PCGF3: variants seen among roughly 807,000 people sequenced by gnomAD.
PCGF3 encodes polycomb group ring finger 3.
PCGF3 carries 7 observed loss-of-function variants against 33.1 expected under a neutral mutation model. The ratio of observed to expected loss-of-function variants is 0.21; its 90% CI spans 0.12 to 0.40. PCGF3 has a LOEUF of 0.40. PCGF3 is among the 10% of genes least tolerant of loss of function. The pLI is 1.00. For missense variants in PCGF3, 211 were observed against 313.3 expected (o/e 0.67, Z 2.46); for synonymous variants, 153 against 121.3 (o/e 1.26, Z -1.72).
intron 8 of PCGF3, among the ~76,000 whole-genome samples, chr4:754,866 G>A (rs543775693): frequency 2.0e-4 from 31 of 152,312 alleles, no homozygotes; most frequent in South Asian, 1.7e-3. Flanking sequence ...GGCAGGTGGC[G>A]GTGCGGGTGC....
At chr4:767,462 T>G in exon 11 of PCGF3, 1 of 152,228 alleles carries the variant, frequency 6.6e-6, no homozygotes, top group Non-Finnish European at 1.5e-5. Context: ...CCTGTGGAAC[T>G]GAATCCCTCC....
At chr4:744,522 T>G (rs1744229632) in intron 7 of PCGF3, 78 bp from the exon 8 acceptor site, 7 of 1,058,506 alleles carry the variant, frequency 6.6e-6, no homozygotes, top group African/African-American at 1.6e-5. Flanking sequence ...TTTGACGGCA[T>G]TTGGAGTACA....
chr4:716,118 G>C (rs538668212), intron 1 of PCGF3, among the ~76,000 whole-genome samples: 1 of 131,564 alleles, frequency 7.6e-6, no homozygotes, highest in East Asian at 2.4e-4. Flanking sequence ...CACTGAGGGT[G>C]AGAACTGGGT....
intron 8 of PCGF3, chr4:757,671 C>T (rs961290945): frequency 6.6e-6 from 1 of 152,154 alleles, no homozygotes; most frequent in Non-Finnish European, 1.5e-5. Flanking sequence ...CACGATTTTC[C>T]ATGGAGGATG....
At chr4:726,584 G>C (rs979991294) in intron 1 of PCGF3, among the ~76,000 whole-genome samples, 1 of 152,128 alleles carries the variant, frequency 6.6e-6, no homozygotes, top group African/African-American at 2.4e-5. Flanking sequence ...TTTCTGTCTC[G>C]TAAATCTTCT....
chr4:766,371 CCTT>C (rs1256036892), exon 11 of PCGF3: 9 of 306,812 alleles, frequency 2.9e-5, no homozygotes, highest in African/African-American at 1.7e-4. Context: ...TTCTGAGTCA[CCTT>C]CTGACACGAG....
chr4:755,142 C>T (rs1346890263), intron 8 of PCGF3, among the ~76,000 whole-genome samples: 3 of 152,224 alleles, frequency 2.0e-5, no homozygotes, highest in Non-Finnish European at 2.9e-5. Context: ...TGTCGCAGAG[C>T]ACACGGCGTT....
At chr4:733,598 G>A in intron 3 of PCGF3, 74 bp from the exon 4 acceptor site, 1 of 1,472,526 alleles carries the variant, frequency 6.8e-7, no homozygotes, top group Non-Finnish European at 9.1e-7. Flanking sequence ...CCTGGGGGCG[G>A]CTGTCAGAGC....
chr4:750,315 G>A (rs1428434380), intron 8 of PCGF3, among the ~76,000 whole-genome samples: 3 of 152,160 alleles, frequency 2.0e-5, no homozygotes, highest in Non-Finnish European at 4.4e-5. Flanking sequence ...CTCCTTCCCG[G>A]GCGGTCAGGG....
At chr4:765,094 T>A in intron 10 of PCGF3, 30 bp downstream of exon 10, 3 of 1,437,860 alleles carry the variant, frequency 2.1e-6, no homozygotes, top group Non-Finnish European at 2.0e-6. Flanking sequence ...TTTCAGAGTC[T>A]GCTCTGAATG....
chr4:709,557 G>A (rs1479868429), intron 1 of PCGF3, among the ~76,000 whole-genome samples: 4 of 152,252 alleles, frequency 2.6e-5, no homozygotes, highest in Admixed American at 1.3e-4. Flanking sequence ...AGGCAAGAGT[G>A]AGTGATGCAT....
chr4:723,213 A>G (rs1743191421), intron 1 of PCGF3, among the ~76,000 whole-genome samples: 1 of 152,230 alleles, frequency 6.6e-6, no homozygotes, highest in Admixed American at 6.5e-5. Context: ...AAGTGTGGTG[A>G]GAGCTGTGTT....
chr4:755,268 C>T (rs1744718695), intron 8 of PCGF3, among the ~76,000 whole-genome samples: 1 of 152,216 alleles, frequency 6.6e-6, no homozygotes, highest in African/African-American at 2.4e-5. Context: ...TGCACTTGTC[C>T]CCCTGGGCAG....
intron 9 of PCGF3, chr4:761,762 C>T (rs1177910791): frequency 1.0e-6 from 1 of 985,232 alleles, no homozygotes; most frequent in Admixed American, 6.2e-5. Context: ...GAGGGAGGAC[C>T]CTTCCAGGCT....
intron 8 of PCGF3, among the ~76,000 whole-genome samples, chr4:751,678 C>T (rs565049577): frequency 1.3e-5 from 2 of 151,964 alleles, no homozygotes; most frequent in South Asian, 4.2e-4. Flanking sequence ...CTGCTCTCAG[C>T]CTTGTGCCCT....
intron 6 of PCGF3, among the ~76,000 whole-genome samples, chr4:738,628 T>G (rs1743945044): frequency 2.0e-5 from 3 of 150,442 alleles, no homozygotes; most frequent in Non-Finnish European, 4.4e-5. Context: ...GGCGGGTGGA[T>G]CATCAGGTCA....
At chr4:754,575 G>A (rs1046261800) in intron 8 of PCGF3, among the ~76,000 whole-genome samples, 3 of 152,216 alleles carry the variant, frequency 2.0e-5, no homozygotes, top group Non-Finnish European at 4.4e-5. Flanking sequence ...CCTGGTGCCA[G>A]GCTGCCCCAC....
chr4:756,708 G>C (rs998846105), intron 8 of PCGF3, among the ~76,000 whole-genome samples: 56 of 152,084 alleles, frequency 3.7e-4, no homozygotes, highest in African/African-American at 1.3e-3. Flanking sequence ...GTGTTACACA[G>C]CCACCACCAC....
At chr4:722,726 TCGCCCAC>T (rs1743150025) in intron 1 of PCGF3, among the ~76,000 whole-genome samples, 3 of 80,208 alleles carry the variant, frequency 3.7e-5, no homozygotes, top group East Asian at 3.8e-4. Flanking sequence ...ACTCGCGTCA[TCGCCCAC>T]CCACGCCGGG....
Sources: gnomAD v4.1 joint callset for allele counts (sites outside exome capture counted in the v4.1 genomes callset) on GRCh38, gnomAD v4.1.1 for gene constraint, MANE v1.5 for transcripts, NCBI Gene and HGNC (gene_info 2026-07-23, HGNC 2026-07-21) for gene names.